The following ANO6 variants were observed in gnomAD, a reference collection of about 807,000 sequenced individuals.
ANO6 encodes anoctamin-6.
ANO6 carries 106 observed loss-of-function variants against 117.5 expected under a neutral mutation model. The observed-to-expected ratio is 0.90, with a 90% CI of 0.77 to 1.06. The LOEUF is 1.06. ANO6 is among the 50% of genes least tolerant of loss of function. The pLI is 0.00. For synonymous variants in ANO6, 367 were observed against 385.1 expected (o/e 0.95, Z 0.55); for missense variants, 955 against 1,121.1 (o/e 0.85, Z 2.12).
At chr12:45,226,356 A>G (rs1007719055) in intron 1 of ANO6, among the ~76,000 whole-genome samples, 47 of 152,128 alleles carry the variant, frequency 3.1e-4, no homozygotes, top group African/African-American at 1.1e-3. Context: ...TTTATATCTA[A>G]TGCTTTCATA....
At chr12:45,257,985 G>A (rs762692051) in intron 1 of ANO6, among the ~76,000 whole-genome samples, 15 of 152,100 alleles carry the variant, frequency 9.9e-5, no homozygotes, top group African/African-American at 2.4e-4. Context: ...TTCCCAAAGC[G>A]ATTTTTCTGA....
chr12:45,390,568 C>A, intron 12 of ANO6, 70 bp downstream of exon 12: 1 of 1,339,018 alleles, frequency 7.5e-7, no homozygotes, highest in South Asian at 1.2e-5. Flanking sequence ...TTTTTAATAT[C>A]TAATTTTAAA....
At chr12:45,424,962 A>C (rs1943465395) in intron 19 of ANO6, among the ~76,000 whole-genome samples, 1 of 152,156 alleles carries the variant, frequency 6.6e-6, no homozygotes, top group African/African-American at 2.4e-5. Context: ...AAAAAACAAA[A>C]AAACGTGTGA....
chr12:45,357,863 T>TA (rs1941453984), intron 8 of ANO6, among the ~76,000 whole-genome samples: 1 of 152,230 alleles, frequency 6.6e-6, no homozygotes, highest in Admixed American at 6.5e-5. Flanking sequence ...AATGATTTCT[T>TA]ACTACTAAAA....
chr12:45,312,274 A>G (rs1939873835), intron 2 of ANO6, among the ~76,000 whole-genome samples: 1 of 152,106 alleles, frequency 6.6e-6, no homozygotes, highest in South Asian at 2.1e-4. Flanking sequence ...AAAGCCACAG[A>G]AGCAAAATAA....
intron 8 of ANO6, among the ~76,000 whole-genome samples, chr12:45,359,405 A>C (rs1941496616): frequency 6.6e-6 from 1 of 152,028 alleles, no homozygotes; most frequent in Non-Finnish European, 1.5e-5. Flanking sequence ...GAACATTTTT[A>C]TTGCCCTCAA....
chr12:45,352,284 C>T (rs776583659), intron 7 of ANO6, among the ~76,000 whole-genome samples: 6 of 152,100 alleles, frequency 3.9e-5, no homozygotes, highest in Non-Finnish European at 7.3e-5. Context: ...AAATTATAAA[C>T]TCATAGCTAA....
chr12:45,226,172 T>C (rs1167606246), intron 1 of ANO6, among the ~76,000 whole-genome samples: 1 of 152,186 alleles, frequency 6.6e-6, no homozygotes, highest in Non-Finnish European at 1.5e-5. Flanking sequence ...GATGGAACAC[T>C]TGCATAGAAG....
chr12:45,297,029 A>G (rs1245504895), intron 1 of ANO6, among the ~76,000 whole-genome samples: 1 of 152,216 alleles, frequency 6.6e-6, no homozygotes, highest in Non-Finnish European at 1.5e-5. Context: ...TAACGTTATC[A>G]CTAGCATTAG....
Position 45,423,186 on chromosome 12 carries a change from G to A in ANO6, c.2526+124G>A. The A allele has an allele frequency of 2.6e-6, 2 of 777,496 alleles. 1 individual carries two copies. The highest frequency in any genetic ancestry group is 4.5e-6 in the Non-Finnish European group (2 of 441,674). The allele number at this position is 777,496 out of a possible 1,614,324, so 48.2% of individuals were successfully genotyped here. A position where few individuals can be genotyped will look rare whatever the true frequency, so the allele number is the denominator to read the frequency against. ...TTCTTATCACTTGCTAATATTTTAG[G>A]AAATATGTTAATCAGTATTGACCTG... On this transcript the variant is annotated intron_variant, in intron 19 of 19. Transcript: ENST00000320560.
intron 18 of ANO6, among the ~76,000 whole-genome samples, chr12:45,422,440 A>G (rs771563859): frequency 2.6e-5 from 4 of 152,212 alleles, no homozygotes; most frequent in African/African-American, 4.8e-5. Flanking sequence ...AAGATGGACC[A>G]TGTTATTACC....
rs780264330 is a variant in ANO6 at position 45,388,275 on chromosome 12, C to T, written c.1280C>T (p.Thr427Ile). The T allele has an allele frequency of 3.7e-6, 6 of 1,614,098 alleles. No individual in the cohort carries two copies. The highest frequency in any genetic ancestry group is 1.6e-4 in the Middle Eastern group (1 of 6,062). The change falls in exon 11 of 20, where the codon ACT becomes ATT. Residue 427 changes from threonine to isoleucine, a missense_variant. Thr to Ile is a moderately conservative substitution (Grantham distance 89). Coordinates refer to ENST00000320560, the MANE Select transcript of ANO6 (RefSeq NM_001025356.3). ...CGACCAGAATACGAAGCACGATGTA[C>T]TCACGTAGTGATAAATGAGATTACT... is the stretch of plus-strand genomic sequence containing the variant. Reference protein sequence around the residue: ...QARPEYEARCTHVVINEITQE... With the variant: ...QARPEYEARCIHVVINEITQE...
At chr12:45,414,773 TTTCTTTGAAAGACAGGG>T (rs1943172184) in intron 16 of ANO6, among the ~76,000 whole-genome samples, 5 of 152,220 alleles carry the variant, frequency 3.3e-5, no homozygotes, top group Admixed American at 6.5e-5. Flanking sequence ...TTTTCTTTTC[TTTCTTTGAAAGACAGGG>T]TCTCGCCCTG....
In ANO6 at chr12:45,403,463, G is replaced by A; in HGVS notation, c.1807G>A (p.Glu603Lys). The change falls in exon 15 of 20, where the codon GAA (glutamate) becomes AAA (lysine). Residue 603 changes from glutamate (E) to lysine (K), a missense_variant. Glu to Lys is a moderately conservative substitution (Grantham distance 56). Coordinates refer to ENST00000320560, the MANE Select transcript of ANO6 (RefSeq NM_001025356.3). ...EECDPGGCLL[E>K]LTTQLTIIMG... Reference sequence around the variant, plus strand: ...GTGTGACCCAGGTGGCTGTCTTCTTGAACTGACAACTCAGCTGACAATAAT... The same window carrying A: ...GTGTGACCCAGGTGGCTGTCTTCTTAAACTGACAACTCAGCTGACAATAAT... 1.2e-6 allele frequency: 2 copies of A among 1,613,804 alleles called. No homozygotes were observed. The highest frequency in any genetic ancestry group is 1.7e-6 in the Non-Finnish European group (2 of 1,179,780).
chr12:45,237,032 GAGA>G lies in ANO6; in HGVS notation c.70+20644_70+20646del, dbSNP rs1189885113. 2.0e-5 allele frequency among the ~76,000 whole-genome samples: 3 copies of G among 152,262 alleles called. No individual in the cohort carries two copies. The East Asian group carries it at 5.8e-4, about 29-fold the overall frequency. ...GTTGGCTGCATAAATGTCTTCTTTT[GAGA>G]AGTGTCTGTTCATATCCTTTACCCA... On this transcript the variant is annotated intron_variant, in intron 1 of 19. Coordinates refer to ENST00000320560, the MANE Select transcript of ANO6 (RefSeq NM_001025356.3).
chr12:45,240,371 T>C (rs1175295210), intron 1 of ANO6, among the ~76,000 whole-genome samples: 12 of 105,040 alleles, frequency 1.1e-4, no homozygotes, highest in African/African-American at 5.2e-4. Context: ...TTTTTTTTTT[T>C]TTTTTTTTTT....
In ANO6 at chr12:45,420,987, G is replaced by C. The variant is rs7968063; in HGVS notation, c.2218-84G>C. 143,961 of 1,452,730 alleles carry C rather than the reference G, an allele frequency of 0.099. 11,503 individuals carry two copies. The highest frequency in any genetic ancestry group is 0.38 in the East Asian group (16,462 of 43,794). The allele number at this position is 1,452,730 out of a possible 1,614,324, so 90.0% of individuals were successfully genotyped here. Reference sequence around the variant, plus strand: ...TTGCAGTGAGCCGAGATCGTGCCATGCAGCCTGGGCAGCAAGAGCGAGACT... The same window carrying C: ...TTGCAGTGAGCCGAGATCGTGCCATCCAGCCTGGGCAGCAAGAGCGAGACT... On this transcript the variant is annotated intron_variant, in intron 17 of 19. Coordinates refer to ENST00000320560, the MANE Select transcript of ANO6 (RefSeq NM_001025356.3).
chr12:45,440,075 C>G, exon 20 of ANO6: 1 of 921,188 alleles, frequency 1.1e-6, no homozygotes. Flanking sequence ...TAATTTTCCT[C>G]TAAATCGTAT....
intron 10 of ANO6, among the ~76,000 whole-genome samples, chr12:45,379,546 G>A (rs1034724518): frequency 3.9e-5 from 6 of 152,310 alleles, no homozygotes; most frequent in Middle Eastern, 3.4e-3. Context: ...CGCCCAGTAA[G>A]AGCTTAGGTG....
Sources: allele counts gnomAD v4.1 joint callset (sites outside exome capture counted in the v4.1 genomes callset), GRCh38; gene constraint gnomAD v4.1.1; transcripts MANE v1.5; gene names NCBI Gene and HGNC (gene_info 2026-07-23, HGNC 2026-07-21).